Variants in ADGRG4 observed in about 807,000 individuals in gnomAD.
ADGRG4 encodes G protein-coupled receptor 112.
A neutral mutation model predicts 126.2 loss-of-function variants in ADGRG4; 122 were observed. The observed-to-expected ratio is 0.97, with a 90% confidence interval of 0.83 to 1.12. ADGRG4 has a LOEUF of 1.12. Ranked by LOEUF, ADGRG4 falls within the 50% of genes most tolerant of loss-of-function variation. The pLI is 0.00. For synonymous variants in ADGRG4, 943 were observed against 838.7 expected, an observed-to-expected ratio of 1.12 and a Z score of -2.15; for missense variants, 2,481 against 2,251.8, an observed-to-expected ratio of 1.10 and a Z score of -2.06.
rs765083628 is a variant in ADGRG4, at chrX:136,345,760, C to G, written c.2054C>G (p.Ala685Gly). The change falls in exon 6 of 26, where the codon GCA becomes GGA. Residue 685 changes from alanine to glycine, a missense_variant. Coordinates refer to ENST00000394143, the MANE Select transcript of ADGRG4 (RefSeq NM_153834.4). ...TFVPNENFTS[A>G]FHENTTYTEY... ...GTGCCTAATGAAAATTTTACATCAG[C>G]ATTTCATGAGAATACTACTTATACA... 2 of 1,208,336 alleles carry G rather than the reference C, an allele frequency of 1.7e-6. No individual in the cohort carries two copies. Among genetic ancestry groups the G allele is most frequent in the African/African-American group, 3.5e-5 (2 of 57,141 alleles).
chrX:136,376,207 G>C (rs1186428778), intron 15 of ADGRG4, among the ~76,000 whole-genome samples: 1 of 111,948 alleles, frequency 8.9e-6, no homozygotes, highest in Non-Finnish European at 1.9e-5. Flanking sequence ...ATAGTTGGCT[G>C]TAAGTATTTG....
At chrX:136,309,658 C>T (rs1402025536) in intron 4 of ADGRG4, among the ~76,000 whole-genome samples, 2 of 111,984 alleles carry the variant, frequency 1.8e-5, no homozygotes, top group Non-Finnish European at 3.8e-5. Flanking sequence ...CAAGAGCAAA[C>T]ACTGGCTTCT....
chrX:136,385,137 A>G (rs1455738914), intron 15 of ADGRG4, among the ~76,000 whole-genome samples: 1 of 111,518 alleles, frequency 9.0e-6, no homozygotes, highest in African/African-American at 3.3e-5. Context: ...TTCTTCCAAA[A>G]GGATCATTTA....
intron 5 of ADGRG4, 139 bp downstream of exon 5, chrX:136,323,531 G>T (rs1190724068): frequency 2.0e-5 from 9 of 457,551 alleles, no homozygotes; most frequent in African/African-American, 2.6e-5. Flanking sequence ...TCTTTATTTT[G>T]ATATGATTTC....
chrX:136,346,331 A>G lies in ADGRG4; in HGVS notation c.2625A>G (p.Ala875=). 1 of 1,210,858 alleles carries G rather than the reference A, an allele frequency of 8.3e-7. No homozygotes were observed. Among genetic ancestry groups the G allele is most frequent in the South Asian group, 1.8e-5 (1 of 56,764 alleles). ...STMLEVTDES[A]QRVTASVTVS... is the part of the protein sequence containing the mutation. ...TGCTGGAAGTGACAGACGAATCAGC[A>G]CAAAGGGTGACAGCTTCTGTCACTG... The change falls in exon 6 of 26, where the codon GCA becomes GCG. Residue 875 remains alanine (A), a synonymous_variant. Coordinates refer to ENST00000394143, the MANE Select transcript of ADGRG4 (RefSeq NM_153834.4).
intron 23 of ADGRG4, among the ~76,000 whole-genome samples, chrX:136,410,532 C>G (rs1247335538): frequency 2.7e-5 from 3 of 111,881 alleles, no homozygotes; most frequent in Non-Finnish European, 5.6e-5. Context: ...TGATACTAAT[C>G]ATTTACCTTC....
chrX:136,323,162 T>C lies in ADGRG4; in HGVS notation c.455T>C (p.Leu152Pro). The change falls in exon 5 of 26, where the codon CTG becomes CCG. Residue 152 changes from leucine to proline, a missense_variant. Transcript: ENST00000394143. ...GAAGTAACGGATCAACCACACAACC[T>C]GACACCTCATGGGACTCTGTTCCTA... Reference protein sequence around the residue: ...ILEVTDQPHNLTPHGTLFLGH... With the variant: ...ILEVTDQPHNPTPHGTLFLGH... The C allele has an allele frequency of 8.3e-7, 1 of 1,211,632 alleles. No homozygotes were observed. The highest frequency in any genetic ancestry group is 1.1e-6 in the Non-Finnish European group (1 of 895,355).
chrX:136,416,653 C>A lies in ADGRG4; in HGVS notation c.*162C>A. On this transcript the variant is annotated 3_prime_UTR_variant, in exon 26 of 26. Transcript: ENST00000394143. ...CCAAATGCTACCTGTTCCACCAAAA[C>A]CTATGGAAATTTAAAAAAAACAAAA... 6.0e-6 allele frequency: 2 copies of A among 332,250 alleles called. No homozygotes were observed. The allele number at this position is 332,250 out of a possible 1,213,427, so 27.4% of individuals were successfully genotyped here. A position where few individuals can be genotyped will look rare whatever the true frequency, so the allele number is the denominator to read the frequency against.
chrX:136,393,294 A>AT (rs1468536240), intron 17 of ADGRG4, among the ~76,000 whole-genome samples: 5 of 112,021 alleles, frequency 4.5e-5, no homozygotes, highest in Admixed American at 9.5e-5. Context: ...TAAAGGACAT[A>AT]TCAGATCACC....
At chrX:136,398,613 A>G (rs898948322) in intron 20 of ADGRG4, among the ~76,000 whole-genome samples, 1 of 112,258 alleles carries the variant, frequency 8.9e-6, no homozygotes, top group Admixed American at 9.4e-5. Context: ...CTAAAATTAA[A>G]AATAATGACA....
In ADGRG4 at chrX:136,393,519, ATTTC is replaced by A; in HGVS notation, c.8035-12_8035-9del. 1 of 1,187,468 alleles carries A rather than the reference ATTTC, an allele frequency of 8.4e-7. No homozygotes were observed. The highest frequency in any genetic ancestry group is 1.7e-5 in the African/African-American group (1 of 57,194). Reference sequence around the variant, plus strand: ...TCACAAGGCAAGATGTTTACCTCTGATTTCTTTTTTTCCAGAATTATGGTCAAGT... The same window carrying A: ...TCACAAGGCAAGATGTTTACCTCTGATTTTTTTCCAGAATTATGGTCAAGT... On this transcript the variant is annotated splice_polypyrimidine_tract_variant and intron_variant, in intron 17 of 25. Transcript: ENST00000394143.
chrX:136,319,279 G>T lies in ADGRG4; in HGVS notation c.71-3499G>T, dbSNP rs763240962. 2.7e-5 allele frequency among the ~76,000 whole-genome samples: 3 copies of T among 112,375 alleles called. No individual in the cohort carries two copies. In the South Asian group the frequency reaches 1.1e-3, roughly 42 times the overall value. ...TTCCATGTGTGAGGGTGCAAAAGAGGCTGTGGAGGAAGGAAGAGGCTTCTG... is the reference window on the plus strand; with the variant it reads ...TTCCATGTGTGAGGGTGCAAAAGAGTCTGTGGAGGAAGGAAGAGGCTTCTG... On this transcript the variant is annotated intron_variant, in intron 4 of 25. Transcript: ENST00000394143.
At chrX:136,368,899 G>T (rs1209123074) in intron 13 of ADGRG4, among the ~76,000 whole-genome samples, 1 of 111,969 alleles carries the variant, frequency 8.9e-6, no homozygotes, top group East Asian at 2.8e-4. Flanking sequence ...TTAACAATTG[G>T]TTCTCACCAG....
At chrX:136,404,606 G>A (rs1410650506) in intron 22 of ADGRG4, among the ~76,000 whole-genome samples, 7 of 111,481 alleles carry the variant, frequency 6.3e-5, no homozygotes, top group Non-Finnish European at 1.3e-4. Context: ...AATTTGTATG[G>A]ATATTCTCTT....
intron 11 of ADGRG4, among the ~76,000 whole-genome samples, chrX:136,360,865 C>T (rs1012565612): frequency 5.4e-5 from 6 of 111,817 alleles, no homozygotes; most frequent in Non-Finnish European, 9.4e-5. Flanking sequence ...GAGAGAAGTT[C>T]GTCTATAGTC....
chrX:136,319,375 C>T (rs2074824297), intron 4 of ADGRG4, among the ~76,000 whole-genome samples: 4 of 112,462 alleles, frequency 3.6e-5, no homozygotes, highest in Non-Finnish European at 1.9e-5. Flanking sequence ...TTCTCACACA[C>T]ATAACCTAAA....
intron 11 of ADGRG4, 114 bp downstream of exon 11, chrX:136,359,569 C>CT: frequency 1.7e-6 from 1 of 594,809 alleles, no homozygotes; most frequent in South Asian, 4.0e-5. Flanking sequence ...AGTCATCTTT[C>CT]TGTTTTTTTT....
At chrX:136,340,121 T>C (rs1329409538) in intron 5 of ADGRG4, among the ~76,000 whole-genome samples, 2 of 111,780 alleles carry the variant, frequency 1.8e-5, no homozygotes, top group Admixed American at 1.9e-4. Context: ...TCTGAATTAC[T>C]GAATTTAAGA....
At chrX:136,406,473 A>C (rs2075410918) in intron 23 of ADGRG4, among the ~76,000 whole-genome samples, 1 of 112,450 alleles carries the variant, frequency 8.9e-6, no homozygotes, top group Non-Finnish European at 1.9e-5. Flanking sequence ...GCTGTAAAAC[A>C]ACCTTTAAAA....
Sources: gnomAD v4.1 joint callset for allele counts (sites outside exome capture counted in the v4.1 genomes callset) on GRCh38, gnomAD v4.1.1 for gene constraint, MANE v1.5 for transcripts, NCBI Gene and HGNC (gene_info 2026-07-23, HGNC 2026-07-21) for gene names.